Variants in CACNA2D3 observed in about 807,000 individuals in gnomAD.
CACNA2D3 encodes calcium voltage-gated channel auxiliary subunit alpha2delta 3, also known as voltage-dependent calcium channel subunit alpha-2/delta-3.
A neutral mutation model predicts 160.6 loss-of-function variants in CACNA2D3; 60 were observed. The ratio of observed to expected loss-of-function variants is 0.37; its 90% CI spans 0.30 to 0.46. CACNA2D3 has a LOEUF of 0.46. Among genes scored for constraint, CACNA2D3 ranks in the 20% least tolerant of loss-of-function variants. CACNA2D3 has a pLI of 1.00. For synonymous variants in CACNA2D3, 558 were observed against 492.9 expected (o/e 1.13, Z -1.75); for missense variants, 1,205 against 1,365.0 (o/e 0.88, Z 1.85).
intron 29 of CACNA2D3, among the ~76,000 whole-genome samples, chr3:54,975,660 A>G (rs1559452526): frequency 6.6e-6 from 1 of 152,104 alleles, no homozygotes; most frequent in Non-Finnish European, 1.5e-5. Flanking sequence ...ATGTAGAGCA[A>G]TCTTACCAAA....
At chr3:54,484,103 C>G (rs1700976333) in intron 4 of CACNA2D3, among the ~76,000 whole-genome samples, 1 of 152,146 alleles carries the variant, frequency 6.6e-6, no homozygotes, top group South Asian at 2.1e-4. Context: ...TGAGTAAGAC[C>G]TCAAGAAACC....
At chr3:54,738,739 A>G (rs1163326992) in intron 11 of CACNA2D3, among the ~76,000 whole-genome samples, 1 of 152,192 alleles carries the variant, frequency 6.6e-6, no homozygotes, top group Non-Finnish European at 1.5e-5. Context: ...CTTTGAAGAC[A>G]AGAATGATCT....
At chr3:54,410,278 C>T (rs1366178256) in intron 4 of CACNA2D3, among the ~76,000 whole-genome samples, 2 of 151,922 alleles carry the variant, frequency 1.3e-5, no homozygotes, top group African/African-American at 2.4e-5. Context: ...TGCTTGAACC[C>T]GGGAGGTGGA....
intron 9 of CACNA2D3, among the ~76,000 whole-genome samples, chr3:54,587,127 G>A (rs1702776133): frequency 6.6e-6 from 1 of 151,726 alleles, no homozygotes; most frequent in Non-Finnish European, 1.5e-5. Flanking sequence ...TAAAACTAAA[G>A]CAAGCAGAAG....
intron 31 of CACNA2D3, among the ~76,000 whole-genome samples, chr3:54,998,978 C>T (rs942950843): frequency 6.6e-6 from 1 of 152,142 alleles, no homozygotes; most frequent in African/African-American, 2.4e-5. Flanking sequence ...GATCTCCTGA[C>T]CTCATGATCC....
chr3:54,832,928 T>C (rs1362938571), intron 14 of CACNA2D3, among the ~76,000 whole-genome samples: 2 of 152,212 alleles, frequency 1.3e-5, no homozygotes, highest in Admixed American at 1.3e-4. Context: ...TGTGTTGTTA[T>C]ACTCTCTGGG....
chr3:54,529,802 G>A (rs1701779676), intron 5 of CACNA2D3, among the ~76,000 whole-genome samples: 1 of 152,190 alleles, frequency 6.6e-6, no homozygotes, highest in Admixed American at 6.5e-5. Flanking sequence ...AGTTTGGGAT[G>A]TTAAGTGATA....
chr3:54,336,404 A>G (rs1016649039), intron 3 of CACNA2D3, among the ~76,000 whole-genome samples: 1 of 152,154 alleles, frequency 6.6e-6, no homozygotes, highest in African/African-American at 2.4e-5. Context: ...GAGGAAAACT[A>G]GATTGGCAGC....
At chr3:54,635,529 C>T (rs909078628) in intron 10 of CACNA2D3, among the ~76,000 whole-genome samples, 4 of 151,908 alleles carry the variant, frequency 2.6e-5, no homozygotes, top group Non-Finnish European at 4.4e-5. Flanking sequence ...TAAGTTGGTC[C>T]GGTGTCTGGA....
rs141864693 is a variant in CACNA2D3, at chr3:55,074,309, A to G, written c.*103A>G. ...ATGGTGCAACATACGAGACATGAATATAGTCCAACCATCAGCATCTCATCA... is the reference window on the plus strand; with the variant it reads ...ATGGTGCAACATACGAGACATGAATGTAGTCCAACCATCAGCATCTCATCA... On this transcript the variant is annotated 3_prime_UTR_variant, in exon 38 of 38. Transcript: ENST00000474759. 2.7e-5 allele frequency: 24 copies of G among 882,518 alleles called. No homozygotes were observed. Among genetic ancestry groups the G allele is most frequent in the African/African-American group, 2.0e-4 (12 of 61,346 alleles). 54.7% of individuals were successfully genotyped at this position (882,518 alleles called of 1,614,324 possible).
intron 11 of CACNA2D3, among the ~76,000 whole-genome samples, chr3:54,652,596 C>T (rs760770963): frequency 1.3e-5 from 2 of 151,732 alleles, no homozygotes; most frequent in African/African-American, 4.8e-5. Flanking sequence ...CTTCAGAAGC[C>T]CTGGGTAGGA....
At chr3:54,651,657 G>A (rs981966303) in intron 11 of CACNA2D3, among the ~76,000 whole-genome samples, 2 of 152,070 alleles carry the variant, frequency 1.3e-5, no homozygotes, top group African/African-American at 4.8e-5. Context: ...ATGCATCTTC[G>A]AGGAGGGGCT....
At chr3:54,441,728 A>G (rs999968416) in intron 4 of CACNA2D3, among the ~76,000 whole-genome samples, 2 of 152,198 alleles carry the variant, frequency 1.3e-5, no homozygotes, top group Non-Finnish European at 1.5e-5. Flanking sequence ...AATGTGTTCT[A>G]GTTCAATTCA....
intron 2 of CACNA2D3, among the ~76,000 whole-genome samples, chr3:54,168,138 C>G (rs980396722): frequency 4.6e-5 from 7 of 151,992 alleles, no homozygotes; most frequent in African/African-American, 1.7e-4. Flanking sequence ...CAGGGCTGTT[C>G]TATTTGATTC....
intron 3 of CACNA2D3, among the ~76,000 whole-genome samples, chr3:54,352,881 G>C (rs1240254191): frequency 2.0e-5 from 3 of 151,946 alleles, no homozygotes; most frequent in African/African-American, 7.3e-5. Flanking sequence ...AATTCTTGTG[G>C]GTACATAGTA....
chr3:54,271,721 G>T (rs1702625389), intron 2 of CACNA2D3, among the ~76,000 whole-genome samples: 1 of 152,198 alleles, frequency 6.6e-6, no homozygotes, highest in African/African-American at 2.4e-5. Context: ...CCCTGGAGTT[G>T]TATGCAGTTC....
intron 2 of CACNA2D3, among the ~76,000 whole-genome samples, chr3:54,151,628 C>T (rs1385250061): frequency 1.3e-5 from 2 of 152,100 alleles, no homozygotes; most frequent in African/African-American, 2.4e-5. Context: ...AGTGTGACCC[C>T]CATTAAGAGG....
chr3:54,293,428 A>G (rs1703255793), intron 2 of CACNA2D3, among the ~76,000 whole-genome samples: 1 of 152,078 alleles, frequency 6.6e-6, no homozygotes. Context: ...CTTAGCTCCC[A>G]TTTATGAGTG....
At chr3:54,531,440 G>T (rs1245044142) in intron 5 of CACNA2D3, among the ~76,000 whole-genome samples, 1 of 152,182 alleles carries the variant, frequency 6.6e-6, no homozygotes, top group Non-Finnish European at 1.5e-5. Flanking sequence ...GGTTCATCAT[G>T]TTTCAATCTC....
Sources: allele counts gnomAD v4.1 joint callset (sites outside exome capture counted in the v4.1 genomes callset), GRCh38; gene constraint gnomAD v4.1.1; transcripts MANE v1.5; gene names NCBI Gene and HGNC (gene_info 2026-07-23, HGNC 2026-07-21).